The following CDH4 variants were observed in gnomAD, a reference collection of about 807,000 sequenced individuals.
The protein encoded by CDH4 is cadherin 4, also known as cadherin-4.
In CDH4, 33 loss-of-function variants were observed where a neutral mutation model predicts 86.0. That is an observed-to-expected ratio of 0.38 (90% CI 0.29 to 0.51). The LOEUF (loss-of-function observed/expected upper bound fraction) is 0.51, where lower values mean the gene tolerates loss of function less well. Ranked by LOEUF, CDH4 falls within the 20% of genes least tolerant of loss-of-function variation. CDH4 has a pLI of 0.86. For missense variants in CDH4, 1,114 were observed against 1,307.4 expected (o/e 0.85, Z 2.28); for synonymous variants, 555 against 549.4 (o/e 1.01, Z -0.14).
chr20:61,560,774 G>A (rs1040595649), intron 2 of CDH4, among the ~76,000 whole-genome samples: 3 of 152,244 alleles, frequency 2.0e-5, no homozygotes, highest in East Asian at 1.9e-4. Flanking sequence ...GAAGGAGCCC[G>A]GGTCTCAGCC....
intron 2 of CDH4, among the ~76,000 whole-genome samples, chr20:61,694,776 G>T (rs2087698352): frequency 6.6e-6 from 1 of 152,234 alleles, no homozygotes; most frequent in South Asian, 2.1e-4. Context: ...GCACCGTGAA[G>T]AGGAGATTAG....
intron 2 of CDH4, among the ~76,000 whole-genome samples, chr20:61,273,746 C>T (rs1359748802): frequency 1.4e-5 from 2 of 142,102 alleles, no homozygotes; most frequent in East Asian, 4.4e-4. Flanking sequence ...GTACCATGGG[C>T]AGTTTGGGGG....
intron 2 of CDH4, among the ~76,000 whole-genome samples, chr20:61,650,415 C>G (rs2087109009): frequency 6.6e-6 from 1 of 152,190 alleles, no homozygotes; most frequent in Non-Finnish European, 1.5e-5. Context: ...CTCTAATGGG[C>G]TGTATGTTTC....
chr20:61,331,634 CA>C (rs1323349265), intron 2 of CDH4, among the ~76,000 whole-genome samples: 1,275 of 67,810 alleles, frequency 0.019, 45 homozygotes, highest in Middle Eastern at 0.041. Context: ...CCTCCTGCCC[CA>C]GACCCACCTC....
At chr20:61,398,831 C>T (rs1194093161) in intron 2 of CDH4, among the ~76,000 whole-genome samples, 1 of 152,162 alleles carries the variant, frequency 6.6e-6, no homozygotes, top group African/African-American at 2.4e-5. Context: ...TTGTGTGTCC[C>T]CTTTCTCAGG....
At chr20:61,473,499 C>G (rs560784241) in intron 2 of CDH4, among the ~76,000 whole-genome samples, 32 of 152,288 alleles carry the variant, frequency 2.1e-4, no homozygotes, top group Admixed American at 4.6e-4. Flanking sequence ...ACATTGTTTT[C>G]TCCAATGCTG....
intron 2 of CDH4, among the ~76,000 whole-genome samples, chr20:61,622,430 G>A (rs557190525): frequency 1.3e-5 from 2 of 152,238 alleles, no homozygotes; most frequent in South Asian, 4.1e-4. Context: ...ACATTTCTTG[G>A]ATGGCTGGTG....
chr20:61,553,454 C>G (rs2086150010), intron 2 of CDH4, among the ~76,000 whole-genome samples: 1 of 152,182 alleles, frequency 6.6e-6, no homozygotes, highest in South Asian at 2.1e-4. Flanking sequence ...CTTAATTTCA[C>G]AAAGATTAAA....
chr20:61,636,071 A>T (rs1393384617), intron 2 of CDH4, among the ~76,000 whole-genome samples: 1 of 152,206 alleles, frequency 6.6e-6, no homozygotes, highest in South Asian at 2.1e-4. Context: ...GGGGGGCTCC[A>T]CACGCGTGGG....
intron 4 of CDH4, among the ~76,000 whole-genome samples, chr20:61,832,128 A>G (rs965560110): frequency 4.6e-5 from 7 of 152,230 alleles, no homozygotes; most frequent in Non-Finnish European, 1.0e-4. Flanking sequence ...GTAAGAGCCA[A>G]TGAGTGTCTG....
chr20:61,834,056 G>C (rs956845210), intron 4 of CDH4, among the ~76,000 whole-genome samples: 1 of 152,204 alleles, frequency 6.6e-6, no homozygotes, highest in Non-Finnish European at 1.5e-5. Context: ...ATTGGTCCAC[G>C]TGGGGTCCCA....
At chr20:61,490,373 C>T (rs891760511) in intron 2 of CDH4, among the ~76,000 whole-genome samples, 2 of 152,156 alleles carry the variant, frequency 1.3e-5, no homozygotes, top group African/African-American at 4.8e-5. Context: ...TTATAGGCAC[C>T]TCTGGAAGAA....
intron 2 of CDH4, among the ~76,000 whole-genome samples, chr20:61,314,360 G>A (rs1035471423): frequency 1.3e-5 from 2 of 152,288 alleles, no homozygotes; most frequent in Non-Finnish European, 1.5e-5. Flanking sequence ...AAGTGAGATC[G>A]TGCAGTATCT....
chr20:61,817,826 G>A (rs35692480), intron 4 of CDH4, among the ~76,000 whole-genome samples: 62,170 of 151,700 alleles, frequency 0.41, 15,539 homozygotes, highest in Non-Finnish European at 0.57. Context: ...GGAGGCCAAC[G>A]CACTGCGAAT....
chr20:61,792,066 G>C (rs976696293), intron 4 of CDH4, among the ~76,000 whole-genome samples: 3 of 152,170 alleles, frequency 2.0e-5, no homozygotes, highest in Non-Finnish European at 2.9e-5. Context: ...TAAGGCGAGA[G>C]CTGCCCCAGA....
chr20:61,376,818 G>C (rs2145441486), intron 2 of CDH4, among the ~76,000 whole-genome samples: 1 of 152,306 alleles, frequency 6.6e-6, no homozygotes, highest in African/African-American at 2.4e-5. Flanking sequence ...TGAATGGCCG[G>C]TGGCCAAGAT....
At chr20:61,433,977 C>T (rs1437986731) in intron 2 of CDH4, among the ~76,000 whole-genome samples, 1 of 152,210 alleles carries the variant, frequency 6.6e-6, no homozygotes, top group South Asian at 2.1e-4. Context: ...CTGCCGTGGC[C>T]TCCTGTGTCC....
intron 2 of CDH4, among the ~76,000 whole-genome samples, chr20:61,741,292 A>T (rs1034728154): frequency 1.1e-4 from 17 of 152,118 alleles, no homozygotes; most frequent in Admixed American, 7.9e-4. Context: ...TCCCCAAGCC[A>T]CCCACGGAGC....
chr20:61,485,811 A>T (rs1267320026), intron 2 of CDH4, among the ~76,000 whole-genome samples: 1 of 152,128 alleles, frequency 6.6e-6, no homozygotes, highest in South Asian at 2.1e-4. Context: ...CTTGCCCCAT[A>T]CGGGTTTCTG....
Sources: gnomAD v4.1 joint callset for allele counts (sites outside exome capture counted in the v4.1 genomes callset) on GRCh38, gnomAD v4.1.1 for gene constraint, MANE v1.5 for transcripts, NCBI Gene and HGNC (gene_info 2026-07-23, HGNC 2026-07-21) for gene names.